Variants in RANBP9 observed in about 807,000 individuals in gnomAD.
RANBP9 encodes the protein ran-binding protein 9.
A neutral mutation model predicts 84.3 loss-of-function variants in RANBP9; 15 were observed. The ratio of observed to expected loss-of-function variants is 0.18; its 90% CI spans 0.12 to 0.27. The LOEUF (loss-of-function observed/expected upper bound fraction) is 0.27. RANBP9 is among the 10% of genes least tolerant of loss of function. The pLI is 1.00. For synonymous variants in RANBP9, 392 were observed against 349.6 expected, an observed-to-expected ratio of 1.12 and a Z score of -1.35; for missense variants, 809 against 912.8, an observed-to-expected ratio of 0.89 and a Z score of 1.46.
intron 2 of RANBP9, among the ~76,000 whole-genome samples, chr6:13,675,165 G>A (rs549254890): frequency 4.9e-4 from 75 of 152,200 alleles, no homozygotes; most frequent in African/African-American, 1.8e-3. Context: ...TCCATCAACT[G>A]GATTTCATTG....
chr6:13,655,871 T>A (rs2127769998), intron 4 of RANBP9, among the ~76,000 whole-genome samples: 1 of 152,324 alleles, frequency 6.6e-6, no homozygotes, highest in East Asian at 1.9e-4. Flanking sequence ...GCCTGTATTG[T>A]TCTTGGAAAC....
intron 2 of RANBP9, among the ~76,000 whole-genome samples, chr6:13,679,436 C>T (rs1169883055): frequency 1.3e-5 from 2 of 152,060 alleles, no homozygotes; most frequent in Admixed American, 6.6e-5. Flanking sequence ...GATTCTTTGT[C>T]GAATAATTCC....
intron 1 of RANBP9, 125 bp downstream of exon 1, chr6:13,710,810 G>T: frequency 1.6e-5 from 17 of 1,035,396 alleles, no homozygotes; most frequent in Non-Finnish European, 2.2e-5. Context: ...CACAACAGGC[G>T]GCGAGTGGCC....
chr6:13,645,021 T>C (rs1336534913), intron 5 of RANBP9, among the ~76,000 whole-genome samples: 1 of 152,230 alleles, frequency 6.6e-6, no homozygotes, highest in African/African-American at 2.4e-5. Flanking sequence ...TACTAATATA[T>C]GTGCATGTAA....
intron 4 of RANBP9, among the ~76,000 whole-genome samples, chr6:13,655,082 A>C (rs997107807): frequency 6.6e-6 from 1 of 152,132 alleles, no homozygotes; most frequent in African/African-American, 2.4e-5. Context: ...AGTCTGACTA[A>C]AGAACTCTTA....
At chr6:13,707,899 T>G (rs1758168694) in intron 1 of RANBP9, among the ~76,000 whole-genome samples, 1 of 152,236 alleles carries the variant, frequency 6.6e-6, no homozygotes, top group Non-Finnish European at 1.5e-5. Context: ...TGACAACAAT[T>G]TCAAAAATAA....
In RANBP9 at chr6:13,622,495, G is replaced by A. The variant is rs369791365; in HGVS notation, c.2060-3C>T. ...TTGCTTTGGCAGATTGTGGGTTTCT[G>A]AGGAAAAATAATTTAAAAATGAGAA... On this transcript the variant is annotated splice_polypyrimidine_tract_variant and splice_region_variant and intron_variant, in intron 13 of 13. Coordinates refer to ENST00000011619, the MANE Select transcript of RANBP9 (RefSeq NM_005493.3). 12 of 1,553,942 alleles carry A rather than the reference G, an allele frequency of 7.7e-6. No homozygotes were observed. Among genetic ancestry groups the A allele is most frequent in the Non-Finnish European group, 9.5e-6 (11 of 1,153,856 alleles).
At position 13,639,623 on chromosome 6, in the gene RANBP9, T is replaced by C; in HGVS notation, c.1465A>G (p.Ser489Gly). ...AAATTGTGGATATTCATTCCATGGC[T>C]GGGGCTCATACTTGGACTACTAAAA... ...RPFSSPSMSPSHGMNIHNLAS... is the reference protein window; with the variant it reads ...RPFSSPSMSPGHGMNIHNLAS... The change falls in exon 9 of 14, where the codon AGC becomes GGC. Residue 489 changes from serine (S) to glycine (G), a missense_variant. By Grantham distance (56) the Ser-to-Gly change is moderately conservative. Coordinates refer to ENST00000011619, the MANE Select transcript of RANBP9 (RefSeq NM_005493.3). 1 of 1,613,246 alleles carries C rather than the reference T, an allele frequency of 6.2e-7. No individual in the cohort carries two copies. The highest frequency in any genetic ancestry group is 8.5e-7 in the Non-Finnish European group (1 of 1,179,168).
intron 12 of RANBP9, 138 bp downstream of exon 12, chr6:13,632,232 C>T: frequency 2.0e-6 from 1 of 501,864 alleles, no homozygotes; most frequent in Non-Finnish European, 3.0e-6. Flanking sequence ...TTTCCACTCT[C>T]AGATGGGCAA....
At chr6:13,674,588 A>G (rs982157192) in intron 2 of RANBP9, among the ~76,000 whole-genome samples, 5 of 152,212 alleles carry the variant, frequency 3.3e-5, no homozygotes, top group African/African-American at 7.2e-5. Context: ...TCTGTTGCCC[A>G]GAAGGAATGC....
intron 1 of RANBP9, among the ~76,000 whole-genome samples, chr6:13,697,906 T>A (rs1562322798): frequency 6.6e-6 from 1 of 152,352 alleles, no homozygotes; most frequent in East Asian, 1.9e-4. Flanking sequence ...CTTTCAGTCA[T>A]ACTATAAAAT....
At chr6:13,646,571 TAA>T (rs1209082551) in intron 5 of RANBP9, among the ~76,000 whole-genome samples, 3 of 152,194 alleles carry the variant, frequency 2.0e-5, no homozygotes, top group African/African-American at 7.2e-5. Flanking sequence ...ATTGTCTAAA[TAA>T]AGACATTTTT....
At chr6:13,629,921 C>T (rs143466873) in intron 12 of RANBP9, among the ~76,000 whole-genome samples, 1,647 of 128,340 alleles carry the variant, frequency 0.013, 13 homozygotes, top group African/African-American at 0.031. Flanking sequence ...CTCTCTCTCT[C>T]GTGTGTGTGT....
chr6:13,677,312 CA>C (rs2113320647), intron 2 of RANBP9, among the ~76,000 whole-genome samples: 1 of 152,030 alleles, frequency 6.6e-6, no homozygotes, highest in African/African-American at 2.4e-5. Flanking sequence ...AAATTGATAC[CA>C]TAAAAACTAT....
chr6:13,660,333 A>G (rs1404039171), intron 2 of RANBP9, among the ~76,000 whole-genome samples: 1 of 152,012 alleles, frequency 6.6e-6, no homozygotes, highest in African/African-American at 2.4e-5. Flanking sequence ...ACATTGGGAA[A>G]CCTTGTCTCA....
chr6:13,626,239 G>T (rs1229442942), intron 12 of RANBP9, among the ~76,000 whole-genome samples: 1 of 152,200 alleles, frequency 6.6e-6, no homozygotes, highest in African/African-American at 2.4e-5. Context: ...TAAACAGGCT[G>T]CCCTTCAGGA....
intron 4 of RANBP9, 89 bp from the exon 5 acceptor site, chr6:13,652,770 A>G: frequency 8.7e-7 from 1 of 1,145,888 alleles, no homozygotes; most frequent in East Asian, 2.4e-5. Context: ...AGGAGGAAAC[A>G]AATGGCAAAA....
intron 12 of RANBP9, among the ~76,000 whole-genome samples, chr6:13,630,128 A>C (rs910115667): frequency 1.3e-4 from 20 of 152,176 alleles, no homozygotes; most frequent in African/African-American, 4.6e-4. Flanking sequence ...GGCTACTTAT[A>C]TATAAGGTGG....
chr6:13,704,501 C>G (rs150908031), intron 1 of RANBP9, among the ~76,000 whole-genome samples: 1 of 151,950 alleles, frequency 6.6e-6, no homozygotes, highest in African/African-American at 2.4e-5. Context: ...AATGGTGGCA[C>G]GTGCCTGTAG....
Sources: allele counts gnomAD v4.1 joint callset (sites outside exome capture counted in the v4.1 genomes callset), GRCh38; gene constraint gnomAD v4.1.1; transcripts MANE v1.5; gene names NCBI Gene and HGNC (gene_info 2026-07-23, HGNC 2026-07-21).